NPIPB2: variants seen among roughly 807,000 people sequenced by gnomAD.
NPIPB2 encodes the protein nuclear pore complex-interacting protein family member B2.
Under a neutral mutation model 30.8 loss-of-function variants are expected in NPIPB2, and 27 were observed. The ratio of observed to expected loss-of-function variants is 0.88; its 90% CI spans 0.65 to 1.21. NPIPB2 has a LOEUF of 1.21. Ranked by LOEUF, NPIPB2 falls within the 50% of genes most tolerant of loss-of-function variation. NPIPB2 has a pLI of 0.00. For synonymous variants in NPIPB2, 147 were observed against 162.0 expected (o/e 0.91, Z 0.70); for missense variants, 440 against 446.2 (o/e 0.99, Z 0.13).
intron 1 of NPIPB2, among the ~76,000 whole-genome samples, chr16:11,953,155 T>A (rs533442531): frequency 2.6e-5 from 4 of 152,038 alleles, no homozygotes; most frequent in African/African-American, 9.6e-5. Context: ...TCATTCTGTA[T>A]TTTTTTTCAA....
intron 1 of NPIPB2, among the ~76,000 whole-genome samples, chr16:11,950,918 T>G (rs530116715): frequency 2.4e-4 from 36 of 152,260 alleles, no homozygotes; most frequent in African/African-American, 8.2e-4. Flanking sequence ...ATTGGATGGC[T>G]TGGCTAACAC....
At chr16:11,954,360 C>A (rs925903764) in intron 1 of NPIPB2, among the ~76,000 whole-genome samples, 1 of 151,768 alleles carries the variant, frequency 6.6e-6, no homozygotes, top group Non-Finnish European at 1.5e-5. Flanking sequence ...AGCCTATAAT[C>A]CCAGCTACTG....
chr16:11,975,404 C>T (rs1269837744), intron 1 of NPIPB2, among the ~76,000 whole-genome samples: 1 of 151,666 alleles, frequency 6.6e-6, no homozygotes, highest in Admixed American at 6.6e-5. Context: ...GCCTCGGCCT[C>T]CCAAAGTGCT....
chr16:11,938,030 T>C (rs1236271781), intron 1 of NPIPB2, among the ~76,000 whole-genome samples: 1 of 152,262 alleles, frequency 6.6e-6, no homozygotes, highest in African/African-American at 2.4e-5. Flanking sequence ...CTTTTTGTTT[T>C]TGAGACAGAG....
intron 1 of NPIPB2, chr16:11,966,325 C>A (rs180992520): frequency 2.5e-6 from 4 of 1,611,858 alleles, no homozygotes; most frequent in Non-Finnish European, 3.4e-6. Flanking sequence ...CATTAAAGGA[C>A]GAGTTTAAAA....
intron 1 of NPIPB2, among the ~76,000 whole-genome samples, chr16:11,955,004 A>G (rs1037004036): frequency 6.6e-6 from 1 of 152,104 alleles, no homozygotes; most frequent in African/African-American, 2.4e-5. Context: ...AATCAGGCTG[A>G]CCTGGTATAA....
chr16:11,941,394 A>C, intron 1 of NPIPB2: 2 of 304,256 alleles, frequency 6.6e-6, no homozygotes, highest in South Asian at 3.1e-5. Flanking sequence ...GGGGGGAAGT[A>C]AGGGAAGGGA....
chr16:11,954,742 C>A (rs546510857), intron 1 of NPIPB2, among the ~76,000 whole-genome samples: 1 of 151,866 alleles, frequency 6.6e-6, no homozygotes, highest in South Asian at 2.1e-4. Flanking sequence ...CCTATCTCTA[C>A]TAAAAATACA....
chr16:11,961,918 G>A (rs2055155626), intron 1 of NPIPB2, among the ~76,000 whole-genome samples: 1 of 152,010 alleles, frequency 6.6e-6, no homozygotes, highest in African/African-American at 2.4e-5. Flanking sequence ...GACTGACAGT[G>A]GCTGGGCACT....
intron 1 of NPIPB2, among the ~76,000 whole-genome samples, chr16:11,940,806 A>T (rs2150918179): frequency 6.7e-6 from 1 of 148,920 alleles, no homozygotes; most frequent in African/African-American, 2.5e-5. Context: ...AGATGACACA[A>T]ATCAAATGAC....
chr16:11,950,421 C>T (rs1276837718), intron 1 of NPIPB2, among the ~76,000 whole-genome samples: 1 of 152,144 alleles, frequency 6.6e-6, no homozygotes, highest in Admixed American at 6.6e-5. Flanking sequence ...CCTCTTGCTG[C>T]AGCCCCCCAA....
At chr16:11,971,241 GA>G (rs1276283958) in intron 1 of NPIPB2, among the ~76,000 whole-genome samples, 1 of 152,140 alleles carries the variant, frequency 6.6e-6, no homozygotes, top group Non-Finnish European at 1.5e-5. Flanking sequence ...AACATGTGAA[GA>G]GATTTATTCT....
intron 1 of NPIPB2, chr16:11,965,515 C>T (rs2055186674): frequency 1.3e-6 from 2 of 1,529,906 alleles, no homozygotes; most frequent in Non-Finnish European, 8.9e-7. Flanking sequence ...ATATGGACTG[C>T]TTATTCAGAG....
Position 11,927,472 on chromosome 16 carries a change from TTC to T in NPIPB2, c.1093_1094del (p.Glu365ThrfsTer8), listed in dbSNP as rs2054738326. The T allele has an allele frequency of 8.3e-7, 1 of 1,208,234 alleles. No individual in the cohort carries two copies. Among genetic ancestry groups the T allele is most frequent in the African/African-American group, 2.6e-5 (1 of 37,806 alleles). The allele number at this position is 1,208,234 out of a possible 1,614,324, so 74.8% of individuals were successfully genotyped here. The stretch of plus-strand genomic sequence containing the variant: ...CCTCAGCGGCCCTCCGCCTCTTGGG[TTC>T]GGGTGGTGATTCCACCTCAGCGGCC... On this transcript the variant is annotated frameshift_variant, in exon 8 of 8. Coordinates refer to ENST00000399147, the Ensembl canonical transcript of NPIPB2. LOFTEE classifies it high-confidence loss of function.
chr16:11,954,899 C>G (rs1277680006), intron 1 of NPIPB2, among the ~76,000 whole-genome samples: 2 of 106,908 alleles, frequency 1.9e-5, no homozygotes, highest in African/African-American at 3.2e-5. Context: ...CAGAGCAAGA[C>G]TCTGTCTCAA....
intron 1 of NPIPB2, among the ~76,000 whole-genome samples, chr16:11,950,016 T>G (rs1193444402): frequency 2.0e-5 from 3 of 152,186 alleles, no homozygotes; most frequent in Admixed American, 1.3e-4. Context: ...GCCTTGAATT[T>G]GTTTTTTAAT....
chr16:11,955,640 G>A (rs997232343), intron 1 of NPIPB2, among the ~76,000 whole-genome samples: 1 of 151,110 alleles, frequency 6.6e-6, no homozygotes, highest in African/African-American at 2.4e-5. Context: ...AGAATTGCTT[G>A]AACCTGAGAG....
At chr16:11,932,632 C>T (rs71385124) in intron 4 of NPIPB2, among the ~76,000 whole-genome samples, 86,336 of 138,052 alleles carry the variant, frequency 0.63, 30,836 homozygotes, top group Non-Finnish European at 0.81. Context: ...AAAAATTATC[C>T]GGGCATGGTG....
chr16:11,949,660 G>C (rs1395162624), intron 1 of NPIPB2, among the ~76,000 whole-genome samples: 1 of 152,218 alleles, frequency 6.6e-6, no homozygotes, highest in East Asian at 1.9e-4. Flanking sequence ...GCCCTGGCCA[G>C]TCTCCTCACT....
Sources: gnomAD v4.1 joint callset for allele counts (sites outside exome capture counted in the v4.1 genomes callset) on GRCh38, gnomAD v4.1.1 for gene constraint, MANE v1.5 for transcripts, NCBI Gene and HGNC (gene_info 2026-07-23, HGNC 2026-07-21) for gene names.